The following CNPPD1 variants were observed in gnomAD, a reference collection of about 807,000 sequenced individuals.
CNPPD1 encodes the protein protein CNPPD1.
Under a neutral mutation model 43.7 loss-of-function variants are expected in CNPPD1, and 40 were observed. That is an observed-to-expected ratio of 0.92 (90% CI 0.71 to 1.19). The LOEUF (loss-of-function observed/expected upper bound fraction) is 1.19. Among genes scored for constraint, CNPPD1 ranks in the 50% most tolerant of loss-of-function variants. CNPPD1 has a pLI of 0.00. For missense variants in CNPPD1, 511 were observed against 518.5 expected (o/e 0.99, Z 0.14); for synonymous variants, 208 against 214.3 (o/e 0.97, Z 0.26).
At chr2:219,177,533 A>G (rs1319984063), upstream of CNPPD1, among the ~76,000 whole-genome samples, 2 of 152,144 alleles carry the variant, frequency 1.3e-5, no homozygotes, top group Non-Finnish European at 2.9e-5. Context: ...TATGAAAAGG[A>G]AGAGAAACTC....
In CNPPD1 at chr2:219,176,800, T is replaced by C; in HGVS notation, c.29A>G (p.Glu10Gly). The C allele has an allele frequency of 6.3e-7, 1 of 1,584,398 alleles. No individual in the cohort carries two copies. MDLTGLLLD[E>G]EGTFSLAGFQ... ...GCCGGCGAGGGAGAAGGTGCCTTCTTCGTCCAGCAGGAGCCCGGTCAGGTC... is the reference window on the plus strand; with the variant it reads ...GCCGGCGAGGGAGAAGGTGCCTTCTCCGTCCAGCAGGAGCCCGGTCAGGTC... Residue 10 changes from glutamate (E) to glycine (G), a missense_variant, in exon 1 of 8, where the codon GAA becomes GGA. Transcript: ENST00000360507.
rs747392278 is a variant in CNPPD1 at position 219,176,748 on chromosome 2, ACC to A, written c.69+10_69+11del. The A allele has an allele frequency of 2.7e-5, 42 of 1,557,346 alleles. No individual in the cohort carries two copies. The African/African-American group carries it at 5.5e-4, about 20-fold the overall frequency. On this transcript the variant is annotated intron_variant, in intron 1 of 7. Transcript: ENST00000360507. ...GCCGGGAGGCCGGGGAGGGGGCGGGACCCCCACTCACCGTGAAGTCCTGGAAG... is the reference window on the plus strand; with the variant it reads ...GCCGGGAGGCCGGGGAGGGGGCGGGACCCACTCACCGTGAAGTCCTGGAAG...
Position 219,173,754 on chromosome 2 carries a change from T to C in CNPPD1, c.573-287A>G, listed in dbSNP as rs371080439. 6.6e-5 allele frequency among the ~76,000 whole-genome samples: 10 copies of C among 152,182 alleles called. No individual in the cohort carries two copies. The East Asian group carries it at 1.5e-3, about 23-fold the overall frequency. On this transcript the variant is annotated intron_variant, in intron 6 of 7. Transcript: ENST00000360507. ...ACATCCTGGACTCAAATGATCCTCT[T>C]GTCTCAGCCTCCTGAGTAGCTGGGA...
chr2:219,174,896 C>CT lies in CNPPD1; in HGVS notation c.391dup (p.Ser131LysfsTer2). The CT allele has an allele frequency of 6.2e-7, 1 of 1,614,180 alleles. No homozygotes were observed. The highest frequency in any genetic ancestry group is 8.5e-7 in the Non-Finnish European group (1 of 1,180,044). On this transcript the variant is annotated frameshift_variant, in exon 5 of 8. Coordinates refer to ENST00000360507, the MANE Select transcript of CNPPD1 (RefSeq NM_015680.6). LOFTEE classifies it high-confidence loss of function. The stretch of plus-strand genomic sequence containing the variant: ...CTCCCCTTCATCATAGAGGTACTTA[C>CT]TGGCCACCATCTGCAGAGGAACCAG...
In CNPPD1 at chr2:219,172,806, A is replaced by G. The variant is rs1352934198; in HGVS notation, c.1013T>C (p.Leu338Pro). 1 of 1,595,968 alleles carries G rather than the reference A, an allele frequency of 6.3e-7. No homozygotes were observed. The highest frequency in any genetic ancestry group is 8.5e-7 in the Non-Finnish European group (1 of 1,170,912). ...APPTLLHNCHLCQKLQRDSPT... is the reference protein window; with the variant it reads ...APPTLLHNCHPCQKLQRDSPT... ...GGAGTCTCTCTGGAGCTTCTGGCAA[A>G]GGTGGCAGTTATGAAGAAGAGTGGG... is the stretch of plus-strand genomic sequence containing the variant. Residue 338 changes from leucine (L) to proline (P), a missense_variant, in exon 8 of 8, where the codon CTT becomes CCT. Coordinates refer to ENST00000360507, the MANE Select transcript of CNPPD1 (RefSeq NM_015680.6).
intron 6 of CNPPD1, among the ~76,000 whole-genome samples, chr2:219,173,688 G>A (rs1190487178): frequency 6.6e-6 from 1 of 152,102 alleles, no homozygotes; most frequent in African/African-American, 2.4e-5. Flanking sequence ...TGTCTCCCAG[G>A]CTGGAGTGCA....
rs753477475 is a variant in CNPPD1 at position 219,172,703 on chromosome 2, G to A, written c.1116C>T (p.Gly372=). The change falls in exon 8 of 8, where the codon GGC becomes GGT. Residue 372 remains glycine (G), a synonymous_variant. Coordinates refer to ENST00000360507, the MANE Select transcript of CNPPD1 (RefSeq NM_015680.6). Reference sequence around the variant, plus strand: ...GGCTCCAAGGCCAGGGGGGAGCCAGGCCATAGGTATGGTACCAGGGGCTGG... The same window carrying A: ...GGCTCCAAGGCCAGGGGGGAGCCAGACCATAGGTATGGTACCAGGGGCTGG... ...ALSSPWYHTY[G]LAPPWPWSPV... 15 of 1,613,988 alleles carry A rather than the reference G, an allele frequency of 9.3e-6. No individual in the cohort carries two copies. The highest frequency in any genetic ancestry group is 1.2e-5 in the Non-Finnish European group (14 of 1,179,908).
chr2:219,175,342 CAA>C (rs1486051800), intron 3 of CNPPD1, among the ~76,000 whole-genome samples: 1 of 151,888 alleles, frequency 6.6e-6, no homozygotes, highest in Non-Finnish European at 1.5e-5. Context: ...ACTAAAAATA[CAA>C]AAATTAGCCA....
chr2:219,173,042 C>G lies in CNPPD1; in HGVS notation c.777G>C (p.Leu259=). Residue 259 remains leucine, a synonymous_variant, in exon 8 of 8, where the codon CTG becomes CTC. Coordinates refer to ENST00000360507, the MANE Select transcript of CNPPD1 (RefSeq NM_015680.6). ...SVAVIHQSLG[L]SCIPTPGPPD... ...GCGGCCCAGGTGTAGGGATGCAGGACAGCCCCAAAGACTGATGTATTACGG... is the reference window on the plus strand; with the variant it reads ...GCGGCCCAGGTGTAGGGATGCAGGAGAGCCCCAAAGACTGATGTATTACGG... 1 of 1,612,642 alleles carries G rather than the reference C, an allele frequency of 6.2e-7. No homozygotes were observed. Among genetic ancestry groups the G allele is most frequent in the Non-Finnish European group, 8.5e-7 (1 of 1,179,912 alleles).
At position 219,174,861 on chromosome 2, in the gene CNPPD1, C is replaced by G. The variant is rs1173563063; in HGVS notation, c.427G>C (p.Val143Leu). 2 of 1,613,372 alleles carry G rather than the reference C, an allele frequency of 1.2e-6. No homozygotes were observed. Among genetic ancestry groups the G allele is most frequent in the East Asian group, 2.2e-5 (1 of 44,880 alleles). Reference protein sequence around the residue: ...YLYDEGEEEEVFNDEWGAAGG... With the variant: ...YLYDEGEEEELFNDEWGAAGG... ...GCAGCTCCCCATTCGTCGTTGAAGACCTCCTCCTCCTCCCCTTCATCATAG... is the reference window on the plus strand; with the variant it reads ...GCAGCTCCCCATTCGTCGTTGAAGAGCTCCTCCTCCTCCCCTTCATCATAG... The change falls in exon 5 of 8, where the codon GTC becomes CTC. Residue 143 changes from valine (V) to leucine (L), a missense_variant. Transcript: ENST00000360507.
At chr2:219,177,113 CAGAAAG>C (rs1950186110), upstream of CNPPD1, 1 of 361,828 alleles carries the variant, frequency 2.8e-6, no homozygotes, top group Non-Finnish European at 5.0e-6. Flanking sequence ...CCTCGCGGAG[CAGAAAG>C]GAGATGCGGC....
At chr2:219,176,535 T>G (rs1192944529) in intron 1 of CNPPD1, among the ~76,000 whole-genome samples, 2 of 152,044 alleles carry the variant, frequency 1.3e-5, no homozygotes, top group African/African-American at 4.8e-5. Context: ...CCATCGAGGG[T>G]TCCCCGGGAG....
intron 1 of CNPPD1, 66 bp downstream of exon 1, chr2:219,176,694 C>T: frequency 8.0e-6 from 10 of 1,257,326 alleles, no homozygotes; most frequent in Non-Finnish European, 1.1e-5. Context: ...CAGGCGAGCT[C>T]GCAGCGCCGC....
rs763991634 is a variant in CNPPD1, at chr2:219,174,218, G to A, written c.511-11C>T. 17 of 1,613,872 alleles carry A rather than the reference G, an allele frequency of 1.1e-5. No individual in the cohort carries two copies. The highest frequency in any genetic ancestry group is 6.7e-5 in the African/African-American group (5 of 74,978). On this transcript the variant is annotated splice_polypyrimidine_tract_variant and intron_variant, in intron 5 of 7. Transcript: ENST00000360507. Reference sequence around the variant, plus strand: ...GTAGAGATGCCAATCCTGTGAGTACGGAGAGTGGACATCAAACCAGACTTG... The same window carrying A: ...GTAGAGATGCCAATCCTGTGAGTACAGAGAGTGGACATCAAACCAGACTTG...
rs773889908 is a variant in CNPPD1 at position 219,175,649 on chromosome 2, T to C, written c.202A>G (p.Lys68Glu). ...VADIAVELLQ[K>E]AAPSPIRRLQ... ...CGGCGAATAGGGCTGGGGGCTGCCTTCTGGAGCAGTTCGACAGCAATGTCT... is the reference window on the plus strand; with the variant it reads ...CGGCGAATAGGGCTGGGGGCTGCCTCCTGGAGCAGTTCGACAGCAATGTCT... Residue 68 changes from lysine (K) to glutamate (E), a missense_variant, in exon 3 of 8, where the codon AAG becomes GAG. Transcript: ENST00000360507. The C allele has an allele frequency of 5.6e-6, 9 of 1,613,864 alleles. No individual in the cohort carries two copies. The highest frequency in any genetic ancestry group is 7.6e-6 in the Non-Finnish European group (9 of 1,179,906).
In CNPPD1 at chr2:219,174,211, T is replaced by C; in HGVS notation, c.511-4A>G. On this transcript the variant is annotated splice_region_variant and splice_polypyrimidine_tract_variant and intron_variant, in intron 5 of 7. Coordinates refer to ENST00000360507, the MANE Select transcript of CNPPD1 (RefSeq NM_015680.6). ...GGTCAGTGTAGAGATGCCAATCCTG[T>C]GAGTACGGAGAGTGGACATCAAACC... 2.5e-6 allele frequency: 4 copies of C among 1,614,008 alleles called. No homozygotes were observed. The highest frequency in any genetic ancestry group is 2.5e-6 in the Non-Finnish European group (3 of 1,179,962).
Position 219,173,389 on chromosome 2 carries a change from C to G in CNPPD1, c.651G>C (p.Trp217Cys), listed in dbSNP as rs765064858. Residue 217 changes from tryptophan to cysteine, a missense_variant, in exon 7 of 8, where the codon TGG becomes TGC. By Grantham distance (215) the Trp-to-Cys change is radical (BLOSUM62 -2). Transcript: ENST00000360507. ...DLCVLLEQPT[W>C]QLALGSLCQR... Reference sequence around the variant, plus strand: ...GGCAGAGGGAGCCCAGGGCCAACTGCCAGGTCGGCTGCTCCAGCAGCACAC... The same window carrying G: ...GGCAGAGGGAGCCCAGGGCCAACTGGCAGGTCGGCTGCTCCAGCAGCACAC... 1.2e-6 allele frequency: 2 copies of G among 1,613,556 alleles called. No homozygotes were observed. Among genetic ancestry groups the G allele is most frequent in the Admixed American group, 3.3e-5 (2 of 59,998 alleles).
At chr2:219,176,187 G>T (rs1207139832) in intron 2 of CNPPD1, 36 bp downstream of exon 2, 2 of 1,458,860 alleles carry the variant, frequency 1.4e-6, no homozygotes, top group African/African-American at 2.8e-5. Context: ...CCATTTTCAT[G>T]CTTCTCACTT....
chr2:219,175,869 C>A (rs1950150840), intron 2 of CNPPD1, among the ~76,000 whole-genome samples, 197 bp from the exon 3 acceptor site: 1 of 152,218 alleles, frequency 6.6e-6, no homozygotes, highest in South Asian at 2.1e-4. Flanking sequence ...CTCATTCTAA[C>A]AGGAAAGCTT....
Sources: allele counts gnomAD v4.1 joint callset (sites outside exome capture counted in the v4.1 genomes callset), GRCh38; gene constraint gnomAD v4.1.1; transcripts MANE v1.5; gene names NCBI Gene and HGNC (gene_info 2026-07-23, HGNC 2026-07-21).